The following DIPK1A variants were observed in gnomAD, a reference collection of about 807,000 sequenced individuals.
DIPK1A encodes divergent protein kinase domain 1A.
DIPK1A carries 27 observed loss-of-function variants against 40.8 expected under a neutral mutation model. The observed-to-expected ratio is 0.66, with a 90% confidence interval of 0.49 to 0.91. DIPK1A has a LOEUF of 0.91. Ranked by LOEUF, DIPK1A falls within the 40% of genes least tolerant of loss-of-function variation. DIPK1A has a pLI of 0.00. For synonymous variants in DIPK1A, 166 were observed against 171.3 expected, an observed-to-expected ratio of 0.97 and a Z score of 0.24; for missense variants, 412 against 505.7, an observed-to-expected ratio of 0.81 and a Z score of 1.78.
chr1:92,868,498 C>G (rs1378605251), intron 2 of DIPK1A, among the ~76,000 whole-genome samples: 1 of 152,186 alleles, frequency 6.6e-6, no homozygotes, highest in Non-Finnish European at 1.5e-5. Context: ...TCATCACCTT[C>G]CAATTCAAAA....
chr1:92,919,217 T>C (rs1650178311), intron 1 of DIPK1A, among the ~76,000 whole-genome samples: 2 of 152,222 alleles, frequency 1.3e-5, no homozygotes, highest in Admixed American at 1.3e-4. Context: ...GCTTCATGTT[T>C]GGATTATAAA....
chr1:92,832,958 A>G (rs538839176), exon 5 of DIPK1A: 4 of 717,302 alleles, frequency 5.6e-6, no homozygotes, highest in East Asian at 5.1e-5. Flanking sequence ...TGTTCCGAAC[A>G]AACCGACGTT....
intron 1 of DIPK1A, among the ~76,000 whole-genome samples, chr1:92,880,079 G>A (rs994250447): frequency 6.6e-6 from 1 of 152,172 alleles, no homozygotes; most frequent in Admixed American, 6.5e-5. Context: ...CCCAACTGGA[G>A]GCTGCTACTG....
intron 4 of DIPK1A, among the ~76,000 whole-genome samples, chr1:92,844,454 C>G (rs560677846): frequency 1.4e-4 from 21 of 152,112 alleles, no homozygotes; most frequent in Non-Finnish European, 2.9e-4. Flanking sequence ...CTCCCCTGTC[C>G]CCTTCAGGCC....
chr1:92,839,965 C>T (rs529534456), downstream of DIPK1A, among the ~76,000 whole-genome samples: 13 of 150,702 alleles, frequency 8.6e-5, no homozygotes, highest in African/African-American at 2.0e-4. Context: ...CTCAGCCTCT[C>T]GAGGTAGCTG....
At position 92,843,809 on chromosome 1, in the gene DIPK1A, G is replaced by A. The variant is rs1237663838; in HGVS notation, c.861C>T (p.Tyr287=). The A allele has an allele frequency of 1.5e-5, 24 of 1,551,740 alleles. No homozygotes were observed. Among genetic ancestry groups the A allele is most frequent in the African/African-American group, 2.7e-5 (2 of 73,014 alleles). The part of the protein sequence containing the change: ...EFVEDVFHGP[Y]GNFLMCDTSA... ...TAGTATCGCACATGAGGAAATTTCC[G>A]TAGGGGCCATGGAAAACATCTTCCA... is the stretch of plus-strand genomic sequence containing the variant. The change falls in exon 5 of 5, where the codon TAC becomes TAT. Residue 287 remains tyrosine, a synonymous_variant. Coordinates refer to ENST00000370310, the MANE Select transcript of DIPK1A (RefSeq NM_001006605.5).
chr1:92,855,268 A>G (rs1687945411), intron 2 of DIPK1A, among the ~76,000 whole-genome samples: 1 of 152,226 alleles, frequency 6.6e-6, no homozygotes, highest in Non-Finnish European at 1.5e-5. Flanking sequence ...GAGGCAGCCA[A>G]AGCAGTTCTT....
At chr1:92,951,144 C>T (rs1244151203) in intron 1 of DIPK1A, among the ~76,000 whole-genome samples, 2 of 152,038 alleles carry the variant, frequency 1.3e-5, no homozygotes, top group African/African-American at 2.4e-5. Context: ...GTGGATCCAA[C>T]GCAATCATAC....
At chr1:92,949,179 T>C (rs1168816523) in intron 1 of DIPK1A, among the ~76,000 whole-genome samples, 1 of 152,202 alleles carries the variant, frequency 6.6e-6, no homozygotes, top group East Asian at 1.9e-4. Flanking sequence ...CCCCCAAAAT[T>C]AGAACTTCAC....
At chr1:92,833,175 ATT>A (rs1429571782) in intron 4 of DIPK1A, 4 of 650,656 alleles carry the variant, frequency 6.1e-6, no homozygotes, top group African/African-American at 5.5e-5. Context: ...CTAAGGATTC[ATT>A]TTTATTGTTT....
At chr1:92,886,793 G>A (rs565211284) in intron 1 of DIPK1A, among the ~76,000 whole-genome samples, 5 of 152,018 alleles carry the variant, frequency 3.3e-5, no homozygotes, top group Admixed American at 6.6e-5. Context: ...GGAAAACTAT[G>A]ACCCATGAGC....
chr1:92,882,343 G>A (rs184666061), intron 1 of DIPK1A, among the ~76,000 whole-genome samples: 91 of 152,278 alleles, frequency 6.0e-4, no homozygotes, highest in African/African-American at 2.0e-3. Flanking sequence ...AGCTGAGATC[G>A]TGCCATTGCA....
chr1:92,889,785 C>T (rs1371535620), intron 1 of DIPK1A, among the ~76,000 whole-genome samples: 1 of 152,058 alleles, frequency 6.6e-6, no homozygotes, highest in Non-Finnish European at 1.5e-5. Flanking sequence ...ATAGCTGAGA[C>T]TACAGACATG....
chr1:92,898,851 C>T (rs1180844531), intron 1 of DIPK1A, among the ~76,000 whole-genome samples: 2 of 152,138 alleles, frequency 1.3e-5, no homozygotes, highest in Non-Finnish European at 2.9e-5. Flanking sequence ...CAGCCTTGAC[C>T]TCCTGGGCTC....
intron 1 of DIPK1A, among the ~76,000 whole-genome samples, chr1:92,922,853 C>T (rs1396577623): frequency 6.6e-6 from 1 of 152,152 alleles, no homozygotes; most frequent in Non-Finnish European, 1.5e-5. Flanking sequence ...AACTTTGGCT[C>T]ACAAGTTCTG....
chr1:92,833,554 C>G (rs774705183), intron 4 of DIPK1A: 2 of 1,613,682 alleles, frequency 1.2e-6, no homozygotes, highest in Non-Finnish European at 1.7e-6. Flanking sequence ...GAGGGTAAAA[C>G]TGATTATTAT....
At chr1:92,847,407 T>C (rs763386806) in intron 3 of DIPK1A, 48 bp from the exon 4 acceptor site, 1 of 1,269,938 alleles carries the variant, frequency 7.9e-7, no homozygotes, top group Non-Finnish European at 1.1e-6. Context: ...AGTAGAAAAC[T>C]CTAAAAAATA....
intron 1 of DIPK1A, among the ~76,000 whole-genome samples, chr1:92,905,123 A>G (rs1300604079): frequency 6.6e-6 from 1 of 152,196 alleles, no homozygotes; most frequent in African/African-American, 2.4e-5. Flanking sequence ...ATGGGAATGC[A>G]GAAACCTATT....
At chr1:92,959,448 CTTTTT>C (rs1012376544) in intron 1 of DIPK1A, among the ~76,000 whole-genome samples, 3 of 115,462 alleles carry the variant, frequency 2.6e-5, no homozygotes, top group Non-Finnish European at 5.3e-5. Flanking sequence ...CAGTAAAACA[CTTTTT>C]TTTTTTTTTT....
Sources: allele counts gnomAD v4.1 joint callset (sites outside exome capture counted in the v4.1 genomes callset), GRCh38; gene constraint gnomAD v4.1.1; transcripts MANE v1.5; gene names NCBI Gene and HGNC (gene_info 2026-07-23, HGNC 2026-07-21).